SORBS3: variants seen among roughly 807,000 people sequenced by gnomAD.
SORBS3 encodes sorbin and SH3 domain containing 3, also known as vinexin.
SORBS3 carries 69 observed loss-of-function variants against 98.0 expected under a neutral mutation model. The ratio of observed to expected loss-of-function variants is 0.70; its 90% CI spans 0.58 to 0.86. The LOEUF is 0.86. Among genes scored for constraint, SORBS3 ranks in the 40% least tolerant of loss-of-function variants. The probability of loss-of-function intolerance (pLI) is 0.00; values close to 1 mark genes in which losing one functional copy is unlikely to be tolerated. For synonymous variants in SORBS3, 394 were observed against 355.4 expected, an observed-to-expected ratio of 1.11 and a Z score of -1.22; for missense variants, 954 against 908.5, an observed-to-expected ratio of 1.05 and a Z score of -0.64.
upstream of SORBS3, among the ~76,000 whole-genome samples, chr8:22,549,328 C>T (rs1840049590): frequency 2.0e-5 from 3 of 152,196 alleles, no homozygotes; most frequent in South Asian, 6.2e-4. Context: ...GCCGCCTTAT[C>T]TAGGACAATC....
chr8:22,564,230 C>T, intron 8 of SORBS3, 53 bp from the exon 9 acceptor site: 1 of 1,525,238 alleles, frequency 6.6e-7, no homozygotes, highest in African/African-American at 1.4e-5. Context: ...TTGAGCCTGG[C>T]CAGTGTCCCA....
upstream of SORBS3, among the ~76,000 whole-genome samples, chr8:22,549,285 G>C (rs553511372): frequency 1.0e-3 from 158 of 152,292 alleles, no homozygotes; most frequent in African/African-American, 3.7e-3. Flanking sequence ...GAAAGGAAAG[G>C]AATCTGTTCT....
Position 22,551,982 on chromosome 8 carries a change from C to T in SORBS3, c.-96C>T. On this transcript the variant is annotated 5_prime_UTR_variant, in exon 1 of 21. Transcript: ENST00000240123. The surrounding 1 kb of genome is among the most constrained non-coding windows in gnomAD (Gnocchi z 5.8). ...AGCCGGGCAGGGATGCTCCTGCGCTCCCGGGCGGCCTCGGGCCCAGCCACC... is the reference window on the plus strand; with the variant it reads ...AGCCGGGCAGGGATGCTCCTGCGCTTCCGGGCGGCCTCGGGCCCAGCCACC... 1.0e-6 allele frequency: 1 copy of T among 985,168 alleles called. No individual in the cohort carries two copies. Among genetic ancestry groups the T allele is most frequent in the Non-Finnish European group, 1.2e-6 (1 of 829,724 alleles). 61.0% of individuals were successfully genotyped at this position (985,168 alleles called of 1,614,324 possible). A position where few individuals can be genotyped will look rare whatever the true frequency, so the allele number is the denominator to read the frequency against.
Position 22,570,298 on chromosome 8 carries a change from G to T in SORBS3, c.1432-612G>T, listed in dbSNP as rs1303470653. Among the ~76,000 whole-genome samples the T allele has an allele frequency of 1.3e-5, 2 of 152,210 alleles. 1 individual carries two copies. Among genetic ancestry groups the T allele is most frequent in the South Asian group, 4.1e-4 (2 of 4,836 alleles). Reference sequence around the variant, plus strand: ...GGGCTGGAGGCCACCCTCCCAGGGGGTGGTTCTACCTAATGTCAGCCAGCC... The same window carrying T: ...GGGCTGGAGGCCACCCTCCCAGGGGTTGGTTCTACCTAATGTCAGCCAGCC... On this transcript the variant is annotated intron_variant, in intron 17 of 20. Coordinates refer to ENST00000240123, the MANE Select transcript of SORBS3 (RefSeq NM_005775.5).
In SORBS3 at chr8:22,572,405, G is replaced by C. The variant is rs1008181566; in HGVS notation, c.1913G>C (p.Arg638Thr). 30 of 1,613,930 alleles carry C rather than the reference G, an allele frequency of 1.9e-5. No individual in the cohort carries two copies. The highest frequency in any genetic ancestry group is 2.5e-5 in the Non-Finnish European group (29 of 1,179,994). ...EDELELREGD[R>T]VDVMQQCDDG... is the part of the protein sequence containing the mutation. ...GAGCTGGAGCTGCGCGAGGGGGACA[G>C]GGTGGATGTCATGCAGCAGTGTGAC... is the stretch of plus-strand genomic sequence containing the variant. The change falls in exon 20 of 21, where the codon AGG becomes ACG. Residue 638 changes from arginine to threonine, a missense_variant. Arg to Thr is a moderately conservative substitution (Grantham distance 71, BLOSUM62 -1). Coordinates refer to ENST00000240123, the MANE Select transcript of SORBS3 (RefSeq NM_005775.5).
upstream of SORBS3, among the ~76,000 whole-genome samples, chr8:22,551,303 C>T (rs1045910386): frequency 6.6e-6 from 1 of 152,048 alleles, no homozygotes; most frequent in Non-Finnish European, 1.5e-5. The surrounding 1 kb of genome is among the most constrained non-coding windows in gnomAD (Gnocchi z 5.8). Flanking sequence ...ACACCCTCTC[C>T]CCCAGCGCGG....
Position 22,558,131 on chromosome 8 carries a change from C to T in SORBS3, c.417C>T (p.Ser139=), listed in dbSNP as rs376902116. 1.2e-5 allele frequency: 19 copies of T among 1,613,908 alleles called. No individual in the cohort carries two copies. Among genetic ancestry groups the T allele is most frequent in the Admixed American group, 6.7e-5 (4 of 60,006 alleles). Residue 139 remains serine, a splice_region_variant and synonymous_variant, in exon 5 of 21, where the codon AGC becomes AGT. Transcript: ENST00000240123. ...ESGMPIAPRS[S]VDRPRDWYRR... ...GACTTTGCATTTTCTGATCCCAGAG[C>T]GTTGACAGACCCAGAGACTGGTACC...
chr8:22,554,797 C>G lies in SORBS3; in HGVS notation c.103-66C>G. ...TGTCACCGAGGGGTGTGGGCTGTGC[C>G]TAGTAGCCATCCCTCCCTCCCGCCC... is the stretch of plus-strand genomic sequence containing the variant. On this transcript the variant is annotated intron_variant, in intron 2 of 20. Transcript: ENST00000240123. This position sits in a 1 kb window ranked among gnomAD's most constrained non-coding sequence, Gnocchi z 6.5. 1 of 1,479,020 alleles carries G rather than the reference C, an allele frequency of 6.8e-7. No individual in the cohort carries two copies. The highest frequency in any genetic ancestry group is 1.2e-5 in the South Asian group (1 of 84,808). 91.6% of individuals were successfully genotyped at this position (1,479,020 alleles called of 1,614,324 possible).
At chr8:22,550,120 C>G (rs1840059519), upstream of SORBS3, 1 of 627,988 alleles carries the variant, frequency 1.6e-6, no homozygotes, top group Non-Finnish European at 2.0e-6. Flanking sequence ...AGGGAAGAGG[C>G]TACCTGGCGT....
At chr8:22,558,815 C>T (rs1437272629) in intron 5 of SORBS3, among the ~76,000 whole-genome samples, 3 of 152,178 alleles carry the variant, frequency 2.0e-5, no homozygotes, top group Non-Finnish European at 2.9e-5. Context: ...CATTTGTAAG[C>T]GGTGTTTGAT....
chr8:22,552,033 G>A lies in SORBS3; in HGVS notation c.-56+11G>A. 2.0e-6 allele frequency: 2 copies of A among 985,286 alleles called. No homozygotes were observed. The highest frequency in any genetic ancestry group is 2.4e-6 in the Non-Finnish European group (2 of 829,940). 61.0% of individuals were successfully genotyped at this position (985,286 alleles called of 1,614,324 possible). Reference sequence around the variant, plus strand: ...TGCTCGCCGGGGAAGGTAGGTCCGGGCAAGGAGGGGCGGGGAGTAGGCGAG... The same window carrying A: ...TGCTCGCCGGGGAAGGTAGGTCCGGACAAGGAGGGGCGGGGAGTAGGCGAG... On this transcript the variant is annotated intron_variant, in intron 1 of 20. Transcript: ENST00000240123.
At position 22,562,979 on chromosome 8, in the gene SORBS3, C is replaced by T. The variant is rs1398670810; in HGVS notation, c.585-1008C>T. ...AAAACAATACAAAAAATTAGCCGGG[C>T]GCGGTGGCGGGTGCCTGTAGTCCCA... On this transcript the variant is annotated intron_variant, in intron 7 of 20. Coordinates refer to ENST00000240123, the MANE Select transcript of SORBS3 (RefSeq NM_005775.5). Among the ~76,000 whole-genome samples, 4 of 152,150 alleles carry T rather than the reference C, an allele frequency of 2.6e-5. No individual in the cohort carries two copies. In the South Asian group the frequency reaches 6.2e-4, roughly 24 times the overall value.
intron 15 of SORBS3, 42 bp from the exon 16 acceptor site, chr8:22,567,019 G>A (rs1253372891): frequency 1.3e-6 from 2 of 1,578,952 alleles, no homozygotes; most frequent in South Asian, 1.1e-5. Context: ...GGAGGCTTGG[G>A]AAGGCTTCAG....
chr8:22,565,689 C>T (rs896963012), intron 11 of SORBS3, 137 bp from the exon 12 acceptor site: 47 of 1,213,750 alleles, frequency 3.9e-5, no homozygotes, highest in Non-Finnish European at 2.2e-5. Flanking sequence ...CGGGATCGGC[C>T]GCGCGGGCGC....
At position 22,571,821 on chromosome 8, in the gene SORBS3, C is replaced by G. The variant is rs375044012; in HGVS notation, c.1847C>G (p.Pro616Arg). 3.1e-6 allele frequency: 5 copies of G among 1,601,946 alleles called. No homozygotes were observed. In the South Asian group the frequency reaches 5.5e-5, roughly 18 times the overall value. Residue 616 changes from proline to arginine, a missense_variant and splice_region_variant, in exon 19 of 21, where the codon CCG becomes CGG. Physicochemically the swap from Pro to Arg is moderately radical, Grantham distance 103. Coordinates refer to ENST00000240123, the MANE Select transcript of SORBS3 (RefSeq NM_005775.5). ...AACACCTCTCAGATACACTGGACCCCGTGAGTACCATCTGAGGGCTCTTGA... is the reference window on the plus strand; with the variant it reads ...AACACCTCTCAGATACACTGGACCCGGTGAGTACCATCTGAGGGCTCTTGA... ...SPNTSQIHWT[P>R]YRAMYQYRPQ...
Position 22,561,912 on chromosome 8 carries a change from CCGG to C in SORBS3, c.567_569del (p.Ala190del). On this transcript the variant is annotated inframe_deletion, in exon 7 of 21. Transcript: ENST00000240123. ...GCAAAGACCTGCCCACAGGCCCGGC[CCGG>C]CAACATCTTCCAGTGGGTGAGCACA... 6.2e-7 allele frequency: 1 copy of C among 1,614,192 alleles called. No individual in the cohort carries two copies. The highest frequency in any genetic ancestry group is 8.5e-7 in the Non-Finnish European group (1 of 1,180,022).
At chr8:22,571,904 C>T (rs942465703) in intron 19 of SORBS3, 83 bp downstream of exon 19, 2 of 1,003,484 alleles carry the variant, frequency 2.0e-6, no homozygotes, top group Non-Finnish European at 3.2e-6. Context: ...TCCCCCAAGT[C>T]CCCACCTGTG....
chr8:22,567,051 C>T lies in SORBS3; in HGVS notation c.1191-10C>T, dbSNP rs371305709. The T allele has an allele frequency of 4.4e-6, 7 of 1,607,530 alleles. No homozygotes were observed. The South Asian group carries it at 7.7e-5, about 18-fold the overall frequency. On this transcript the variant is annotated splice_polypyrimidine_tract_variant and intron_variant, in intron 15 of 20. Transcript: ENST00000240123. Reference sequence around the variant, plus strand: ...TCAGCTTACCCTGCGGTCCTCGTCCCCACCTGCAGGGAGCTGACTCTGCAG... The same window carrying T: ...TCAGCTTACCCTGCGGTCCTCGTCCTCACCTGCAGGGAGCTGACTCTGCAG...
At chr8:22,558,372 G>C (rs777255733) in intron 5 of SORBS3, among the ~76,000 whole-genome samples, 180 bp downstream of exon 5, 1 of 152,140 alleles carries the variant, frequency 6.6e-6, no homozygotes, top group African/African-American at 2.4e-5. Flanking sequence ...GGCCAGCAGC[G>C]GTCTCCAGAG....
Sources: allele counts gnomAD v4.1 joint callset (sites outside exome capture counted in the v4.1 genomes callset), GRCh38; gene constraint gnomAD v4.1.1; non-coding constraint Gnocchi (gnomAD v3.1); transcripts MANE v1.5; gene names NCBI Gene and HGNC (gene_info 2026-07-23, HGNC 2026-07-21).